The following HS6ST3 variants were observed in gnomAD, a reference collection of about 807,000 sequenced individuals.
The protein encoded by HS6ST3 is heparan-sulfate 6-O-sulfotransferase 3.
In HS6ST3, 12 loss-of-function variants were observed where a neutral mutation model predicts 36.7. The observed-to-expected ratio is 0.33, with a 90% CI of 0.21 to 0.53. The LOEUF (loss-of-function observed/expected upper bound fraction) is 0.53. Ranked by LOEUF, HS6ST3 falls within the 20% of genes least tolerant of loss-of-function variation. HS6ST3 has a pLI of 0.95. For synonymous variants in HS6ST3, 240 were observed against 257.5 expected (o/e 0.93, Z 0.65); for missense variants, 584 against 640.9 (o/e 0.91, Z 0.96).
intron 1 of HS6ST3, among the ~76,000 whole-genome samples, chr13:96,293,399 G>A (rs2054839563): frequency 1.3e-5 from 2 of 152,024 alleles, no homozygotes; most frequent in African/African-American, 2.4e-5. Context: ...TAGAGAGAGT[G>A]CACCATGTTT....
intron 1 of HS6ST3, among the ~76,000 whole-genome samples, chr13:96,474,585 T>G (rs2055854555): frequency 6.9e-6 from 1 of 145,770 alleles, no homozygotes; most frequent in Admixed American, 7.2e-5. Flanking sequence ...TAGCATTTGC[T>G]ATACAGTAAT....
intron 1 of HS6ST3, among the ~76,000 whole-genome samples, chr13:96,161,230 G>C (rs2054134113): frequency 6.6e-6 from 1 of 152,132 alleles, no homozygotes; most frequent in South Asian, 2.1e-4. Context: ...AAGGCAGAAA[G>C]AGATAAGTAC....
At chr13:96,279,788 G>A (rs990381868) in intron 1 of HS6ST3, among the ~76,000 whole-genome samples, 3 of 152,090 alleles carry the variant, frequency 2.0e-5, no homozygotes, top group Admixed American at 6.5e-5. Context: ...CTTTAATTCT[G>A]TATTGGGAGT....
At chr13:96,703,161 T>C (rs1875332156) in intron 1 of HS6ST3, among the ~76,000 whole-genome samples, 1 of 152,256 alleles carries the variant, frequency 6.6e-6, no homozygotes, top group African/African-American at 2.4e-5. Flanking sequence ...AAGAAAACTG[T>C]TATCAGTAAG....
chr13:96,742,558 C>T (rs989449769), intron 1 of HS6ST3, among the ~76,000 whole-genome samples: 1 of 152,016 alleles, frequency 6.6e-6, no homozygotes, highest in African/African-American at 2.4e-5. Flanking sequence ...TATTTGCTAC[C>T]TGTTGCTGTA....
intron 1 of HS6ST3, among the ~76,000 whole-genome samples, chr13:96,152,884 C>G (rs2054093458): frequency 6.6e-6 from 1 of 152,168 alleles, no homozygotes; most frequent in Non-Finnish European, 1.5e-5. Flanking sequence ...GTGCTCTAAT[C>G]TAGCCTGACT....
At chr13:96,105,078 AAAG>A (rs1411588347) in intron 1 of HS6ST3, among the ~76,000 whole-genome samples, 68 of 151,096 alleles carry the variant, frequency 4.5e-4, no homozygotes, top group Non-Finnish European at 8.7e-4. Context: ...AAAAAAAAAA[AAAG>A]AAAAAGAAAG....
At chr13:96,281,970 A>G (rs1029671304) in intron 1 of HS6ST3, among the ~76,000 whole-genome samples, 2 of 152,216 alleles carry the variant, frequency 1.3e-5, no homozygotes, top group Non-Finnish European at 2.9e-5. Context: ...ACTGGTCATG[A>G]TAATACTTAT....
intron 1 of HS6ST3, among the ~76,000 whole-genome samples, chr13:96,515,118 C>T (rs1424120032): frequency 6.6e-6 from 1 of 152,192 alleles, no homozygotes; most frequent in Non-Finnish European, 1.5e-5. Context: ...GCTGCGCACA[C>T]CTTCCCTGGA....
chr13:96,426,325 G>C (rs2055587009), intron 1 of HS6ST3, among the ~76,000 whole-genome samples: 1 of 152,092 alleles, frequency 6.6e-6, no homozygotes, highest in South Asian at 2.1e-4. Context: ...GCATCAAAGT[G>C]CCTACTTACA....
At chr13:96,104,185 T>C (rs2139296461) in intron 1 of HS6ST3, among the ~76,000 whole-genome samples, 1 of 152,300 alleles carries the variant, frequency 6.6e-6, no homozygotes, top group South Asian at 2.1e-4. Context: ...GTTTTGCAGT[T>C]AATTACAAAG....
At chr13:96,146,801 T>C (rs2054060386) in intron 1 of HS6ST3, among the ~76,000 whole-genome samples, 1 of 152,198 alleles carries the variant, frequency 6.6e-6, no homozygotes, top group Non-Finnish European at 1.5e-5. Flanking sequence ...TTTAAAGTTA[T>C]TTAAAGAAAT....
chr13:96,661,822 G>T (rs1418391125), intron 1 of HS6ST3, among the ~76,000 whole-genome samples: 1 of 152,086 alleles, frequency 6.6e-6, no homozygotes, highest in East Asian at 1.9e-4. Flanking sequence ...TTGCTAGTCT[G>T]GGAAAGACTT....
chr13:96,806,362 A>G (rs1472553063), intron 1 of HS6ST3, among the ~76,000 whole-genome samples: 1 of 152,214 alleles, frequency 6.6e-6, no homozygotes, highest in East Asian at 1.9e-4. Context: ...CCTTGTCATC[A>G]CTGAACATAT....
At chr13:96,565,387 G>A (rs193067075) in intron 1 of HS6ST3, among the ~76,000 whole-genome samples, 1 of 152,064 alleles carries the variant, frequency 6.6e-6, no homozygotes, top group Non-Finnish European at 1.5e-5. Context: ...TCCCAAAATA[G>A]GTAGGGTAAA....
At chr13:96,708,164 T>C (rs1875474162) in intron 1 of HS6ST3, among the ~76,000 whole-genome samples, 1 of 152,252 alleles carries the variant, frequency 6.6e-6, no homozygotes, top group African/African-American at 2.4e-5. Flanking sequence ...GAAATCATTA[T>C]GGGACTCTGG....
At chr13:96,559,129 T>C (rs1484001169) in intron 1 of HS6ST3, among the ~76,000 whole-genome samples, 2 of 151,476 alleles carry the variant, frequency 1.3e-5, no homozygotes, top group Non-Finnish European at 2.9e-5. Context: ...TATCTATTTA[T>C]TTATTGAGAC....
intron 1 of HS6ST3, among the ~76,000 whole-genome samples, chr13:96,564,830 C>T (rs1042950282): frequency 6.6e-6 from 1 of 152,148 alleles, no homozygotes; most frequent in Non-Finnish European, 1.5e-5. Context: ...TTAAAACACT[C>T]GTAGTAACTA....
At chr13:96,111,713 C>A (rs1206398762) in intron 1 of HS6ST3, among the ~76,000 whole-genome samples, 1 of 152,002 alleles carries the variant, frequency 6.6e-6, no homozygotes, top group Non-Finnish European at 1.5e-5. Context: ...GGTATATCAG[C>A]AATAAGCAAC....
Sources: gnomAD v4.1 joint callset for allele counts (sites outside exome capture counted in the v4.1 genomes callset) on GRCh38, gnomAD v4.1.1 for gene constraint, MANE v1.5 for transcripts, NCBI Gene and HGNC (gene_info 2026-07-23, HGNC 2026-07-21) for gene names.